SENP6: variants seen among roughly 807,000 people sequenced by gnomAD.
SENP6 encodes sentrin-specific protease 6.
Under a neutral mutation model 134.5 loss-of-function variants are expected in SENP6, and 41 were observed. The ratio of observed to expected loss-of-function variants is 0.30; its 90% CI spans 0.24 to 0.40. The LOEUF (loss-of-function observed/expected upper bound fraction) is 0.40, where lower values mean the gene tolerates loss of function less well. Ranked by LOEUF, SENP6 falls within the 10% of genes least tolerant of loss-of-function variation. SENP6 has a pLI of 1.00. For synonymous variants in SENP6, 395 were observed against 429.8 expected (o/e 0.92, Z 1.00); for missense variants, 1,248 against 1,312.5 (o/e 0.95, Z 0.76).
chr6:75,602,704 G>C lies in SENP6; in HGVS notation c.52+128G>C, dbSNP rs796268150. The C allele has an allele frequency of 6.3e-6, 6 of 951,908 alleles. No individual in the cohort carries two copies. In the African/African-American group the frequency reaches 9.8e-5, roughly 16 times the overall value. The allele number at this position is 951,908 out of a possible 1,614,324, so 59.0% of individuals were successfully genotyped here. Reference sequence around the variant, plus strand: ...GGGCGGTGAAGTACGAGGGATGAGCGATGACGGGGAGGGAGTGTGCTGCGA... The same window carrying C: ...GGGCGGTGAAGTACGAGGGATGAGCCATGACGGGGAGGGAGTGTGCTGCGA... On this transcript the variant is annotated intron_variant, in intron 1 of 23. Coordinates refer to ENST00000447266, the MANE Select transcript of SENP6 (RefSeq NM_015571.4).
chr6:75,714,832 C>T (rs1162235915), intron 23 of SENP6, among the ~76,000 whole-genome samples: 1 of 152,208 alleles, frequency 6.6e-6, no homozygotes, highest in Non-Finnish European at 1.5e-5. Flanking sequence ...GTCTGTCTAA[C>T]ATGTATTCAT....
rs1008874727 is a variant in SENP6, at chr6:75,716,504, A to G, written c.*910A>G. On this transcript the variant is annotated 3_prime_UTR_variant, in exon 24 of 24. Coordinates refer to ENST00000447266, the MANE Select transcript of SENP6 (RefSeq NM_015571.4). Reference sequence around the variant, plus strand: ...TTTTTTCATTGCTCATTTTGTTCTTATTATTTTGATAAAGTATCAGACTTT... The same window carrying G: ...TTTTTTCATTGCTCATTTTGTTCTTGTTATTTTGATAAAGTATCAGACTTT... 1.3e-4 allele frequency: 19 copies of G among 151,908 alleles called. No individual in the cohort carries two copies. Among genetic ancestry groups the G allele is most frequent in the Non-Finnish European group, 1.3e-4 (9 of 67,820 alleles). The allele number at this position is 151,908 out of a possible 1,614,324, so 9.4% of individuals were successfully genotyped here.
At chr6:75,656,935 A>G (rs2149858494) in intron 7 of SENP6, among the ~76,000 whole-genome samples, 2 of 152,336 alleles carry the variant, frequency 1.3e-5, no homozygotes, top group Middle Eastern at 6.8e-3. Flanking sequence ...TGGTAGAGAA[A>G]ATGTGACATA....
At chr6:75,695,307 A>T (rs62415596) in intron 16 of SENP6, among the ~76,000 whole-genome samples, 1 of 152,242 alleles carries the variant, frequency 6.6e-6, no homozygotes, top group African/African-American at 2.4e-5. Context: ...TTTATGTTAT[A>T]ATTTTATTTT....
At chr6:75,672,897 G>C (rs191276507) in intron 11 of SENP6, among the ~76,000 whole-genome samples, 32 of 152,008 alleles carry the variant, frequency 2.1e-4, no homozygotes, top group African/African-American at 7.2e-4. Context: ...GCGCAATCTC[G>C]GCTCACTGCA....
intron 19 of SENP6, among the ~76,000 whole-genome samples, chr6:75,705,804 G>A (rs1232517008): frequency 6.6e-6 from 1 of 150,408 alleles, no homozygotes; most frequent in East Asian, 1.9e-4. Flanking sequence ...TATTGGTATA[G>A]GACATAGAAT....
intron 7 of SENP6, among the ~76,000 whole-genome samples, chr6:75,648,943 C>G (rs572397975): frequency 1.3e-5 from 2 of 152,278 alleles, no homozygotes; most frequent in Admixed American, 6.5e-5. Flanking sequence ...TTACTATATT[C>G]TTGCTCTGTC....
In SENP6 at chr6:75,659,373, C is replaced by G; in HGVS notation, c.662C>G (p.Ser221Cys). 1 of 1,609,750 alleles carries G rather than the reference C, an allele frequency of 6.2e-7. No individual in the cohort carries two copies. The highest frequency in any genetic ancestry group is 1.3e-5 in the African/African-American group (1 of 74,832). The change falls in exon 8 of 24, where the codon TCT becomes TGT. Residue 221 changes from serine to cysteine, a missense_variant. Around this residue, in one of 3 missense-constraint regions of SENP6, gnomAD observed 733 missense variants for 725.4 expected, o/e 1.01. Transcript: ENST00000447266. ...ACCTATCAGCCTACTCCTCCTCTAT[C>G]TCCTGCTTCAAAAAAATGTTTAACC... is the stretch of plus-strand genomic sequence containing the variant. The part of the protein sequence containing the change: ...CSTYQPTPPL[S>C]PASKKCLTHL...
rs1308968160 is a variant in SENP6, at chr6:75,670,634, T to C, written c.1306T>C (p.Cys436Arg). ...QEPPDALALS[C>R]QSSFDSVILN... ...ACCTCCAGATGCTTTAGCTTTAAGC[T>C]GCCAAAGTTCCTTTGACAGTGTCAT... Residue 436 changes from cysteine to arginine, a missense_variant, in exon 11 of 24, where the codon TGC becomes CGC. Physicochemically the swap from Cys to Arg is radical, Grantham distance 180. Coordinates refer to ENST00000447266, the MANE Select transcript of SENP6 (RefSeq NM_015571.4). 2 of 1,613,558 alleles carry C rather than the reference T, an allele frequency of 1.2e-6. No individual in the cohort carries two copies. Among genetic ancestry groups the C allele is most frequent in the Admixed American group, 3.3e-5 (2 of 60,008 alleles).
intron 2 of SENP6, chr6:75,622,648 A>G (rs1005652574): frequency 1.2e-5 from 5 of 434,350 alleles, no homozygotes; most frequent in Admixed American, 6.7e-5. Context: ...CAACAAATTC[A>G]GAGATCCACA....
At chr6:75,715,326 G>A (rs1775969295) in intron 23 of SENP6, 59 bp from the exon 24 acceptor site, 1 of 1,245,824 alleles carries the variant, frequency 8.0e-7, no homozygotes, top group Admixed American at 2.0e-5. Flanking sequence ...ATGTTTCTGT[G>A]ATTGAAATGA....
chr6:75,656,530 T>G (rs1181393320), intron 7 of SENP6, among the ~76,000 whole-genome samples: 3 of 152,224 alleles, frequency 2.0e-5, no homozygotes, highest in Non-Finnish European at 2.9e-5. Flanking sequence ...TGCCATTTTA[T>G]GTTTCTGCTG....
At position 75,652,700 on chromosome 6, in the gene SENP6, A is replaced by AAG. The variant is rs1554166662; in HGVS notation, c.550+4900_550+4901insGA. ...AAAAATCTCAAAAAAAAAAAAAAAAAAAAGAAAAAGAAAAAAAATGCCTTG... is the reference window on the plus strand; with the variant it reads ...AAAAATCTCAAAAAAAAAAAAAAAAAAGAAAGAAAAAGAAAAAAAATGCCTTG... On this transcript the variant is annotated intron_variant, in intron 7 of 23. Transcript: ENST00000447266. 9.6e-3 allele frequency among the ~76,000 whole-genome samples: 1,442 copies of AAG among 149,644 alleles called. 31 individuals carry two copies. Among genetic ancestry groups the AAG allele is most frequent in the African/African-American group, 0.033 (1,334 of 40,582 alleles).
At chr6:75,683,815 T>C (rs546502196) in intron 16 of SENP6, among the ~76,000 whole-genome samples, 12 of 152,346 alleles carry the variant, frequency 7.9e-5, no homozygotes, top group Middle Eastern at 3.4e-3. Context: ...TAGTATAGTT[T>C]GAAGTCAGGT....
intron 16 of SENP6, chr6:75,679,857 T>C (rs1301455904): frequency 6.6e-6 from 1 of 152,226 alleles, no homozygotes; most frequent in South Asian, 2.1e-4. Flanking sequence ...AACAAAACTT[T>C]TAAAAATTGA....
At chr6:75,643,454 A>G (rs1213256763) in intron 6 of SENP6, among the ~76,000 whole-genome samples, 1 of 152,244 alleles carries the variant, frequency 6.6e-6, no homozygotes, top group Non-Finnish European at 1.5e-5. Context: ...AAAGGAGCAC[A>G]TTTTGTAATA....
intron 7 of SENP6, among the ~76,000 whole-genome samples, chr6:75,655,801 T>TA: frequency 1.3e-5 from 2 of 152,328 alleles, no homozygotes; most frequent in East Asian, 3.9e-4. Context: ...GATCTTTTTT[T>TA]AACTTGATTT....
chr6:75,648,035 A>G (rs1279186001), intron 7 of SENP6, among the ~76,000 whole-genome samples: 1 of 152,206 alleles, frequency 6.6e-6, no homozygotes, highest in Non-Finnish European at 1.5e-5. Context: ...CATTTTTGCT[A>G]TGTTACAAAT....
Position 75,713,537 on chromosome 6 carries a change from A to G in SENP6, c.2934A>G (p.Ser978=). The change falls in exon 22 of 24, where the codon TCA becomes TCG. Residue 978 remains serine (S), a synonymous_variant. Transcript: ENST00000447266. Reference sequence around the variant, plus strand: ...GACCTTGTATCCTACTTATGGACTCACTCCGAGGCCCTTCTCGGTCAAATG... The same window carrying G: ...GACCTTGTATCCTACTTATGGACTCGCTCCGAGGCCCTTCTCGGTCAAATG... The part of the protein sequence containing the change: ...CKQPCILLMD[S]LRGPSRSNVV... 1 of 1,613,548 alleles carries G rather than the reference A, an allele frequency of 6.2e-7. No individual in the cohort carries two copies. The highest frequency in any genetic ancestry group is 8.5e-7 in the Non-Finnish European group (1 of 1,179,760).
Sources: allele counts gnomAD v4.1 joint callset (sites outside exome capture counted in the v4.1 genomes callset), GRCh38; gene constraint gnomAD v4.1.1; regional missense constraint gnomAD v4.1.1; transcripts MANE v1.5; gene names NCBI Gene and HGNC (gene_info 2026-07-23, HGNC 2026-07-21).